The following MAP4K3 variants were observed in gnomAD, a reference collection of about 807,000 sequenced individuals.
The protein encoded by MAP4K3 is mitogen-activated protein kinase kinase kinase kinase 3.
MAP4K3 carries 94 observed loss-of-function variants against 143.5 expected under a neutral mutation model. The observed-to-expected ratio is 0.65, with a 90% CI of 0.55 to 0.78. The LOEUF (loss-of-function observed/expected upper bound fraction) is 0.78. Among genes scored for constraint, MAP4K3 ranks in the 30% least tolerant of loss-of-function variants. MAP4K3 has a pLI of 0.00. For synonymous variants in MAP4K3, 416 were observed against 347.2 expected (o/e 1.20, Z -2.20); for missense variants, 1,077 against 1,068.1 (o/e 1.01, Z -0.12).
At chr2:39,376,777 T>C (rs1558675301) in intron 2 of MAP4K3, among the ~76,000 whole-genome samples, 2 of 152,186 alleles carry the variant, frequency 1.3e-5, no homozygotes, top group East Asian at 1.9e-4. Context: ...TACTTCTCAT[T>C]AGAACCATTT....
chr2:39,254,430 A>C lies in MAP4K3; in HGVS notation c.2541+20T>G, dbSNP rs761429598. The C allele has an allele frequency of 3.1e-6, 5 of 1,593,406 alleles. No homozygotes were observed. The highest frequency in any genetic ancestry group is 4.3e-6 in the Non-Finnish European group (5 of 1,161,634). On this transcript the variant is annotated intron_variant, in intron 32 of 33. Coordinates refer to ENST00000263881, the MANE Select transcript of MAP4K3 (RefSeq NM_003618.4). Reference sequence around the variant, plus strand: ...ATTTGATAATGTCTTGTGACTACTTAATGGACATAATTTACTTACCTCATT... The same window carrying C: ...ATTTGATAATGTCTTGTGACTACTTCATGGACATAATTTACTTACCTCATT...
intron 1 of MAP4K3, among the ~76,000 whole-genome samples, chr2:39,379,031 C>A (rs933009660): frequency 1.3e-5 from 2 of 152,044 alleles, no homozygotes; most frequent in South Asian, 2.1e-4. Context: ...AATATTCATA[C>A]CACCAATGAA....
At chr2:39,319,052 G>A (rs1239882811) in intron 12 of MAP4K3, among the ~76,000 whole-genome samples, 1 of 152,062 alleles carries the variant, frequency 6.6e-6, no homozygotes, top group East Asian at 1.9e-4. Context: ...CAGCAATGCT[G>A]CTAAACATTC....
At chr2:39,350,641 C>G (rs1023428126) in intron 3 of MAP4K3, among the ~76,000 whole-genome samples, 1 of 152,118 alleles carries the variant, frequency 6.6e-6, no homozygotes, top group Admixed American at 6.5e-5. Context: ...TTATATAACT[C>G]AAGAGACCAA....
intron 1 of MAP4K3, among the ~76,000 whole-genome samples, chr2:39,435,247 G>C (rs897725445): frequency 6.6e-6 from 1 of 152,174 alleles, no homozygotes; most frequent in South Asian, 2.1e-4. Flanking sequence ...TCATGCTGTA[G>C]TAGGGAGCTC....
intron 1 of MAP4K3, among the ~76,000 whole-genome samples, chr2:39,421,368 ATTTTTTTT>A (rs59291407): frequency 1.2e-5 from 1 of 85,364 alleles, no homozygotes; most frequent in African/African-American, 4.1e-5. Context: ...TGACTTGGGC[ATTTTTTTT>A]TTTTTTTTTT....
At position 39,325,619 on chromosome 2, in the gene MAP4K3, C is replaced by T. The variant is rs542524229; in HGVS notation, c.817G>A (p.Val273Ile). 3.7e-6 allele frequency: 6 copies of T among 1,611,424 alleles called. No individual in the cohort carries two copies. The Admixed American group carries it at 6.7e-5, about 18-fold the overall frequency. The change falls in exon 12 of 34, where the codon GTA (valine) becomes ATA (isoleucine). Residue 273 changes from valine (V) to isoleucine (I), a missense_variant. Val to Ile is a conservative substitution (Grantham distance 29). This residue lies in a region of MAP4K3 where 864 missense variants were observed against 801.2 expected (regional missense o/e 1.08). Transcript: ENST00000263881. ...AAAGACCGTGTCAAATGTTGTGTTACAAAAGGATGCTATAAAAATTAAATA... is the reference window on the plus strand; with the variant it reads ...AAAGACCGTGTCAAATGTTGTGTTATAAAAGGATGCTATAAAAATTAAATA... ...TAEKLLQHPF[V>I]TQHLTRSLAI...
In MAP4K3 at chr2:39,286,865, T is replaced by C; in HGVS notation, c.1574A>G (p.Lys525Arg). 6.2e-7 allele frequency: 1 copy of C among 1,602,030 alleles called. No homozygotes were observed. The highest frequency in any genetic ancestry group is 1.3e-5 in the African/African-American group (1 of 74,820). The part of the protein sequence containing the change: ...HRGTNLSRKE[K>R]KDVPKPISNG... ...ATCAATACCTACTGGTACATCTTTC[T>C]TTTCTTTTCTTGAAAGGTTTGTGCC... is the stretch of plus-strand genomic sequence containing the variant. Residue 525 changes from lysine (K) to arginine (R), a missense_variant, in exon 21 of 34, where the codon AAG becomes AGG. Physicochemically the swap from Lys to Arg is conservative, Grantham distance 26. Coordinates refer to ENST00000263881, the MANE Select transcript of MAP4K3 (RefSeq NM_003618.4).
intron 13 of MAP4K3, among the ~76,000 whole-genome samples, chr2:39,314,488 A>T (rs963309862): frequency 3.3e-5 from 5 of 152,216 alleles, no homozygotes; most frequent in Admixed American, 2.6e-4. Flanking sequence ...CTTCAGCAGG[A>T]GCTTTAAAGA....
chr2:39,352,420 G>A (rs1446297566), intron 3 of MAP4K3, among the ~76,000 whole-genome samples: 1 of 152,144 alleles, frequency 6.6e-6, no homozygotes, highest in Non-Finnish European at 1.5e-5. Flanking sequence ...TGCTTAGAAG[G>A]AACCTGAAAT....
intron 1 of MAP4K3, among the ~76,000 whole-genome samples, chr2:39,421,092 T>C (rs1667533176): frequency 6.6e-6 from 1 of 152,216 alleles, no homozygotes; most frequent in South Asian, 2.1e-4. Context: ...CTGTCCACTC[T>C]CCACCACATC....
intron 1 of MAP4K3, among the ~76,000 whole-genome samples, chr2:39,434,510 T>C (rs953232149): frequency 1.3e-5 from 2 of 150,920 alleles, no homozygotes; most frequent in African/African-American, 4.9e-5. Flanking sequence ...CAGCAGGAAT[T>C]AGGTATTCCA....
chr2:39,260,628 G>C lies in MAP4K3; in HGVS notation c.2286C>G (p.Thr762=). ...AACCTGATTCTGTAAACCATGAAGA[G>C]GTAGAATTTGGATTGACCGTCTCAA... ...VRFETVNPNS[T]SSWFTESDTP... The change falls in exon 29 of 34, where the codon ACC becomes ACG. Residue 762 remains threonine, a synonymous_variant. Coordinates refer to ENST00000263881, the MANE Select transcript of MAP4K3 (RefSeq NM_003618.4). The C allele has an allele frequency of 1.2e-6, 2 of 1,613,962 alleles. No homozygotes were observed. Among genetic ancestry groups the C allele is most frequent in the East Asian group, 4.5e-5 (2 of 44,848 alleles).
At chr2:39,436,774 C>A in intron 1 of MAP4K3, 118 bp downstream of exon 1, 1 of 833,762 alleles carries the variant, frequency 1.2e-6, no homozygotes, top group Non-Finnish European at 1.9e-6. Context: ...AGCTCCTCCT[C>A]CCCGACTGCT....
intron 12 of MAP4K3, among the ~76,000 whole-genome samples, chr2:39,319,660 A>G (rs1434143984): frequency 6.6e-6 from 1 of 152,224 alleles, no homozygotes; most frequent in Non-Finnish European, 1.5e-5. Context: ...GAGTCTAAAT[A>G]TTTCTACTAT....
intron 26 of MAP4K3, among the ~76,000 whole-genome samples, chr2:39,270,149 C>T (rs1257105083): frequency 6.6e-6 from 1 of 152,098 alleles, no homozygotes; most frequent in African/African-American, 2.4e-5. Context: ...GGATTAACTG[C>T]CAAGTTCTGA....
At chr2:39,319,511 G>C (rs1683233252) in intron 12 of MAP4K3, among the ~76,000 whole-genome samples, 1 of 152,110 alleles carries the variant, frequency 6.6e-6, no homozygotes, top group African/African-American at 2.4e-5. Context: ...GTATACTTGA[G>C]AGTCCTGGAA....
intron 20 of MAP4K3, among the ~76,000 whole-genome samples, chr2:39,287,642 C>T (rs945599346): frequency 6.6e-6 from 1 of 152,130 alleles, no homozygotes; most frequent in Non-Finnish European, 1.5e-5. Context: ...TGGATAAACA[C>T]AGAGGAGTCT....
At chr2:39,263,252 G>A (rs575124857) in intron 28 of MAP4K3, among the ~76,000 whole-genome samples, 14 of 151,170 alleles carry the variant, frequency 9.3e-5, no homozygotes, top group Non-Finnish European at 1.5e-5. Flanking sequence ...TAAATATGGA[G>A]ACAAAATATA....
Sources: gnomAD v4.1 joint callset for allele counts (sites outside exome capture counted in the v4.1 genomes callset) on GRCh38, gnomAD v4.1.1 for gene constraint, gnomAD v4.1.1 regional missense constraint, MANE v1.5 for transcripts, NCBI Gene and HGNC (gene_info 2026-07-23, HGNC 2026-07-21) for gene names.